Variants in STYXL2 observed in about 807,000 individuals in gnomAD.
STYXL2 encodes serine/threonine/tyrosine-interacting-like protein 2.
A neutral mutation model predicts 52.4 loss-of-function variants in STYXL2; 44 were observed. The ratio of observed to expected loss-of-function variants is 0.84; its 90% confidence interval spans 0.66 to 1.08. The LOEUF is 1.08. Ranked by LOEUF, STYXL2 falls within the 50% of genes least tolerant of loss-of-function variation. The pLI is 0.00. For synonymous variants in STYXL2, 604 were observed against 586.9 expected (o/e 1.03, Z -0.42); for missense variants, 1,604 against 1,471.7 (o/e 1.09, Z -1.47).
chr1:167,117,383 T>A lies in STYXL2; in HGVS notation c.261T>A (p.Ser87=), dbSNP rs1458125084. 6.2e-7 allele frequency: 1 copy of A among 1,612,782 alleles called. No individual in the cohort carries two copies. The change falls in exon 4 of 6, where the codon TCT becomes TCA. Residue 87 remains serine, a synonymous_variant. Transcript: ENST00000361200. ...CAGAGTGTCCAGGCATGCTGGAGTC[T>A]GCTGAACAGCTGCTGGTGGAGGACC... ...ADAECPGMLE[S]AEQLLVEDLY...
Position 167,115,570 on chromosome 1 carries a change from C to A in STYXL2, c.206-1758C>A, listed in dbSNP as rs114807167. 4.3e-3 allele frequency among the ~76,000 whole-genome samples: 653 copies of A among 152,256 alleles called. 2 individuals are homozygous for A. Among genetic ancestry groups the A allele is most frequent in the African/African-American group, 0.012 (483 of 41,538 alleles). On this transcript the variant is annotated intron_variant, in intron 3 of 5. Transcript: ENST00000361200. ...CTGCTAGATAAATAGCCGAGGAAGACAACACCGTGTATTTTAATGAGGTGT... is the reference window on the plus strand; with the variant it reads ...CTGCTAGATAAATAGCCGAGGAAGAAAACACCGTGTATTTTAATGAGGTGT...
At chr1:167,105,800 A>C (rs771563736) in intron 2 of STYXL2, among the ~76,000 whole-genome samples, 1 of 152,198 alleles carries the variant, frequency 6.6e-6, no homozygotes, top group Non-Finnish European at 1.5e-5. Context: ...TACATTGTAC[A>C]TTCCACACTG....
At chr1:167,103,307 G>C (rs1667440055) in intron 2 of STYXL2, among the ~76,000 whole-genome samples, 1 of 151,944 alleles carries the variant, frequency 6.6e-6, no homozygotes, top group South Asian at 2.1e-4. Context: ...ATACCATTTT[G>C]GAGGGCACCG....
At chr1:167,107,188 A>C (rs1667521254) in intron 2 of STYXL2, among the ~76,000 whole-genome samples, 1 of 152,106 alleles carries the variant, frequency 6.6e-6, no homozygotes, top group Admixed American at 6.5e-5. Flanking sequence ...CGGACTTCTT[A>C]TATGGCAGCT....
intron 2 of STYXL2, among the ~76,000 whole-genome samples, chr1:167,099,111 C>T (rs1667351760): frequency 6.6e-6 from 1 of 151,774 alleles, no homozygotes; most frequent in Non-Finnish European, 1.5e-5. Flanking sequence ...AGGTTCAATT[C>T]ACCAAAAAGA....
chr1:167,098,825 G>A (rs6676008), intron 2 of STYXL2, among the ~76,000 whole-genome samples: 4,010 of 152,190 alleles, frequency 0.026, 180 homozygotes, highest in African/African-American at 0.091. Flanking sequence ...TCTAAGCATG[G>A]TAGCTAAATT....
At chr1:167,124,756 C>T (rs1379314609) in intron 5 of STYXL2, among the ~76,000 whole-genome samples, 3 of 152,166 alleles carry the variant, frequency 2.0e-5, no homozygotes, top group Admixed American at 1.3e-4. Context: ...AAACGTTTTA[C>T]AGGTTTCAGT....
Position 167,126,069 on chromosome 1 carries a change from C to T in STYXL2, c.938C>T (p.Thr313Met), listed in dbSNP as rs545997985. ...CTCGGGGCCAGAGTGCACGCCCTGA[C>T]GGTGGAAGAGGAGGACGACAGCGCC... ...SMLGARVHAL[T>M]VEEEDDSASH... Residue 313 changes from threonine (T) to methionine (M), a missense_variant, in exon 6 of 6, where the codon ACG becomes ATG. Physicochemically the swap from Thr to Met is moderately conservative, Grantham distance 81. Transcript: ENST00000361200. The T allele has an allele frequency of 8.4e-6, 13 of 1,546,762 alleles. No homozygotes were observed. The highest frequency in any genetic ancestry group is 2.0e-5 in the Admixed American group (1 of 50,080).
Position 167,127,013 on chromosome 1 carries a change from G to T in STYXL2, c.1882G>T (p.Glu628Ter), listed in dbSNP as rs1181450254. The change falls in exon 6 of 6, where the codon GAG becomes TAG. Residue 628 changes from glutamate (E) to a stop codon, truncating the protein, a stop_gained. Coordinates refer to ENST00000361200, the MANE Select transcript of STYXL2 (RefSeq NM_001080426.3). LOFTEE classifies it low-confidence loss of function (END_TRUNC). ...GGCTAAGAAGAGACAACGGAGGCTG[G>T]AGCTGCTGGAGAGAAGCCGGCAGAC... Reference protein sequence around the residue: ...ALAKKRQRRLELLERSRQTLE... With the variant: ...ALAKKRQRRL The T allele has an allele frequency of 1.9e-6, 3 of 1,606,558 alleles. No homozygotes were observed. The African/African-American group carries it at 4.0e-5, about 21-fold the overall frequency.
chr1:167,111,776 T>C lies in STYXL2; in HGVS notation c.111-1934T>C, dbSNP rs1229754970. Reference sequence around the variant, plus strand: ...ATGGGAGGGGGTGAGGGATAGAAAATTACACATTGGATACAGTGTACACTG... The same window carrying C: ...ATGGGAGGGGGTGAGGGATAGAAAACTACACATTGGATACAGTGTACACTG... On this transcript the variant is annotated intron_variant, in intron 2 of 5. Coordinates refer to ENST00000361200, the MANE Select transcript of STYXL2 (RefSeq NM_001080426.3). Among the ~76,000 whole-genome samples, 5 of 151,352 alleles carry C rather than the reference T, an allele frequency of 3.3e-5. No homozygotes were observed. The East Asian group carries it at 9.7e-4, about 29-fold the overall frequency.
chr1:167,108,140 C>T (rs969580625), intron 2 of STYXL2, among the ~76,000 whole-genome samples: 34 of 152,310 alleles, frequency 2.2e-4, no homozygotes, highest in Admixed American at 7.8e-4. Flanking sequence ...TATGTGGACA[C>T]CTGGCCCAGC....
At chr1:167,117,243 C>G (rs954508992) in intron 3 of STYXL2, 85 bp from the exon 4 acceptor site, 6 of 1,247,016 alleles carry the variant, frequency 4.8e-6, no homozygotes, top group Non-Finnish European at 6.7e-6. Context: ...TGGCAGCAAA[C>G]TGGCCAAGAG....
chr1:167,124,538 G>T (rs1276818792), intron 5 of STYXL2, among the ~76,000 whole-genome samples: 1 of 152,140 alleles, frequency 6.6e-6, no homozygotes, highest in Non-Finnish European at 1.5e-5. Flanking sequence ...AGGCATATTT[G>T]TCACATTCAT....
intron 2 of STYXL2, among the ~76,000 whole-genome samples, chr1:167,108,450 C>CA (rs751930697): frequency 6.6e-6 from 1 of 152,166 alleles, no homozygotes. Context: ...CCCCACTCCC[C>CA]AATAACGTTT....
chr1:167,095,011 G>A, intron 2 of STYXL2, 52 bp downstream of exon 2: 1 of 1,424,342 alleles, frequency 7.0e-7, no homozygotes, highest in Non-Finnish European at 9.7e-7. Context: ...GAGGGGCTGG[G>A]GACAGGTTGG....
rs766979136 is a variant in STYXL2, at chr1:167,126,180, T to C, written c.1049T>C (p.Leu350Pro). The change falls in exon 6 of 6, where the codon CTG becomes CCG. Residue 350 changes from leucine (L) to proline (P), a missense_variant. Coordinates refer to ENST00000361200, the MANE Select transcript of STYXL2 (RefSeq NM_001080426.3). The part of the protein sequence containing the change: ...TLIDEEEEEK[L>P]YEQWKKGQGL... ...ATAGACGAGGAGGAGGAGGAGAAAC[T>C]GTACGAGCAGTGGAAGAAGGGGCAG... 2 of 1,519,290 alleles carry C rather than the reference T, an allele frequency of 1.3e-6. No homozygotes were observed. Among genetic ancestry groups the C allele is most frequent in the South Asian group, 2.7e-5 (2 of 74,344 alleles). The allele number at this position is 1,519,290 out of a possible 1,614,324, so 94.1% of individuals were successfully genotyped here.
At position 167,128,767 on chromosome 1, in the gene STYXL2, G is replaced by A. The variant is rs1668031363; in HGVS notation, c.*159G>A. The A allele has an allele frequency of 4.3e-5, 52 of 1,202,844 alleles. No individual in the cohort carries two copies. The highest frequency in any genetic ancestry group is 5.7e-5 in the Non-Finnish European group (51 of 892,274). 74.5% of individuals were successfully genotyped at this position (1,202,844 alleles called of 1,614,324 possible). On this transcript the variant is annotated 3_prime_UTR_variant, in exon 6 of 6. Coordinates refer to ENST00000361200, the MANE Select transcript of STYXL2 (RefSeq NM_001080426.3). ...TACCAAGCATAAGGGCAGCAGAGGT[G>A]GAGTAGGGAGGAGGCAAGGAGGGGG...
chr1:167,117,225 C>T (rs1390491254), intron 3 of STYXL2, 103 bp from the exon 4 acceptor site: 9 of 1,082,772 alleles, frequency 8.3e-6, no homozygotes, highest in African/African-American at 1.6e-5. Flanking sequence ...AGTCCATGCC[C>T]AGAATCCTGG....
At chr1:167,114,048 C>A (rs1340835170) in intron 3 of STYXL2, among the ~76,000 whole-genome samples, 1 of 152,132 alleles carries the variant, frequency 6.6e-6, no homozygotes, top group Non-Finnish European at 1.5e-5. Flanking sequence ...GTCCCTAGGG[C>A]CTCCTGCTCA....
Sources: allele counts gnomAD v4.1 joint callset (sites outside exome capture counted in the v4.1 genomes callset), GRCh38; gene constraint gnomAD v4.1.1; transcripts MANE v1.5; gene names NCBI Gene and HGNC (gene_info 2026-07-23, HGNC 2026-07-21).